ADGRL2: variants seen among roughly 807,000 people sequenced by gnomAD.
ADGRL2 encodes adhesion G protein-coupled receptor L2.
ADGRL2 carries 44 observed loss-of-function variants against 157.4 expected under a neutral mutation model. The ratio of observed to expected loss-of-function variants is 0.28; its 90% CI spans 0.22 to 0.36. The LOEUF (loss-of-function observed/expected upper bound fraction) is 0.36. Ranked by LOEUF, ADGRL2 falls within the 10% of genes least tolerant of loss-of-function variation. The pLI, the probability that ADGRL2 is intolerant of heterozygous loss-of-function variation, is 1.00. For missense variants in ADGRL2, 1,510 were observed against 1,768.9 expected (o/e 0.85, Z 2.63); for synonymous variants, 585 against 624.7 (o/e 0.94, Z 0.95).
intron 2 of ADGRL2, among the ~76,000 whole-genome samples, chr1:81,854,779 A>G (rs1377552981): frequency 6.6e-6 from 1 of 150,592 alleles, no homozygotes; most frequent in East Asian, 1.9e-4. Flanking sequence ...CAGCTGAGAA[A>G]AGTTCTTCTG....
chr1:81,521,218 T>C (rs2079307141), intron 2 of ADGRL2, among the ~76,000 whole-genome samples: 1 of 152,230 alleles, frequency 6.6e-6, no homozygotes. Flanking sequence ...TTTAAAGCTA[T>C]GCACTTACTG....
intron 1 of ADGRL2, among the ~76,000 whole-genome samples, chr1:81,425,351 G>C (rs554375920): frequency 6.6e-6 from 1 of 152,072 alleles, no homozygotes; most frequent in African/African-American, 2.4e-5. Context: ...GTACCGTCTT[G>C]TAGCTAACTG....
At chr1:81,845,786 A>G (rs922706844) in intron 2 of ADGRL2, among the ~76,000 whole-genome samples, 6 of 151,836 alleles carry the variant, frequency 4.0e-5, no homozygotes, top group Non-Finnish European at 7.4e-5. Context: ...ATTTTTAATG[A>G]AAACTTCAAA....
intron 1 of ADGRL2, among the ~76,000 whole-genome samples, chr1:81,756,325 TTCA>T (rs1454425127): frequency 2.6e-5 from 4 of 152,068 alleles, no homozygotes; most frequent in African/African-American, 9.7e-5. Context: ...TTATCATTCA[TTCA>T]TTCATTCATT....
chr1:81,627,684 G>A (rs1335997738), intron 3 of ADGRL2, among the ~76,000 whole-genome samples: 2 of 152,184 alleles, frequency 1.3e-5, no homozygotes. Context: ...AGACTGAGAA[G>A]TGTGGGCAAA....
At chr1:81,875,164 A>T (rs570390754) in intron 2 of ADGRL2, among the ~76,000 whole-genome samples, 10 of 152,276 alleles carry the variant, frequency 6.6e-5, no homozygotes, top group African/African-American at 9.6e-5. Flanking sequence ...AATGGGAGGC[A>T]GCCCAGTGAT....
intron 1 of ADGRL2, among the ~76,000 whole-genome samples, chr1:81,826,264 T>C (rs1391612057): frequency 6.6e-6 from 1 of 152,238 alleles, no homozygotes; most frequent in Non-Finnish European, 1.5e-5. Flanking sequence ...TGCATTTCTT[T>C]GTTATTATAA....
intron 1 of ADGRL2, among the ~76,000 whole-genome samples, chr1:81,834,994 G>C (rs1445695845): frequency 1.3e-5 from 2 of 152,080 alleles, no homozygotes; most frequent in Admixed American, 1.3e-4. Context: ...CACGAACAGA[G>C]GTTTTCCTAT....
chr1:81,693,668 A>G (rs945105083), intron 3 of ADGRL2, among the ~76,000 whole-genome samples: 4 of 152,118 alleles, frequency 2.6e-5, no homozygotes, highest in African/African-American at 9.7e-5. Context: ...AAACTCATTT[A>G]TTTGTCAAAA....
intron 1 of ADGRL2, among the ~76,000 whole-genome samples, chr1:81,340,624 C>T (rs1160786483): frequency 1.3e-5 from 2 of 152,038 alleles, no homozygotes; most frequent in African/African-American, 2.4e-5. Flanking sequence ...AAAGAAGAGG[C>T]AGTTTGGCAG....
chr1:81,931,444 C>T (rs1309306172), intron 3 of ADGRL2, among the ~76,000 whole-genome samples: 1 of 151,942 alleles, frequency 6.6e-6, no homozygotes. Context: ...AAAGTTGCAA[C>T]CAGAAATTAT....
intron 2 of ADGRL2, among the ~76,000 whole-genome samples, chr1:81,885,545 T>A (rs918143962): frequency 1.3e-5 from 2 of 152,162 alleles, no homozygotes; most frequent in African/African-American, 4.8e-5. Context: ...GGCCTTTAAT[T>A]CAGCATTTGT....
chr1:81,801,913 T>C (rs1197327551), intron 1 of ADGRL2, among the ~76,000 whole-genome samples: 1 of 151,990 alleles, frequency 6.6e-6, no homozygotes, highest in African/African-American at 2.4e-5. Flanking sequence ...TGGGGGTGTG[T>C]GCGTGTGTGT....
At chr1:81,780,718 T>C (rs1210654368) in intron 2 of ADGRL2, among the ~76,000 whole-genome samples, 1 of 152,194 alleles carries the variant, frequency 6.6e-6, no homozygotes, top group Non-Finnish European at 1.5e-5. Flanking sequence ...TGTAAGGTGG[T>C]ATTGTAATGA....
At chr1:81,921,418 A>T (rs575054869) in intron 3 of ADGRL2, among the ~76,000 whole-genome samples, 1 of 152,312 alleles carries the variant, frequency 6.6e-6, no homozygotes, top group East Asian at 1.9e-4. Context: ...ACAATATGAT[A>T]ATGTGTATAG....
intron 1 of ADGRL2, among the ~76,000 whole-genome samples, chr1:81,335,641 C>T (rs1661582477): frequency 6.6e-6 from 1 of 152,148 alleles, no homozygotes; most frequent in South Asian, 2.1e-4. Context: ...GCCCCTCAAA[C>T]ATTCCCCACA....
intron 17 of ADGRL2, among the ~76,000 whole-genome samples, chr1:81,974,790 T>G (rs1264765438): frequency 6.6e-6 from 1 of 152,128 alleles, no homozygotes; most frequent in African/African-American, 2.4e-5. Context: ...TTCTTAAAAT[T>G]TCTTTGTATT....
intron 2 of ADGRL2, among the ~76,000 whole-genome samples, chr1:81,852,546 T>C (rs189105216): frequency 8.1e-4 from 124 of 152,282 alleles, no homozygotes; most frequent in African/African-American, 2.8e-3. Flanking sequence ...AATTGTCCTT[T>C]TATAATACTT....
intron 1 of ADGRL2, among the ~76,000 whole-genome samples, chr1:81,366,247 T>G (rs761249923): frequency 6.6e-6 from 1 of 151,912 alleles, no homozygotes; most frequent in African/African-American, 2.4e-5. Context: ...CATCACTTCA[T>G]GAGCTCTTCA....
Sources: gnomAD v4.1 joint callset for allele counts (sites outside exome capture counted in the v4.1 genomes callset) on GRCh38, gnomAD v4.1.1 for gene constraint, MANE v1.5 for transcripts, NCBI Gene and HGNC (gene_info 2026-07-23, HGNC 2026-07-21) for gene names.